ABCD2: variants seen among roughly 807,000 people sequenced by gnomAD.
ABCD2 encodes ATP-binding cassette sub-family D member 2.
Under a neutral mutation model 70.9 loss-of-function variants are expected in ABCD2, and 36 were observed. The observed-to-expected ratio is 0.51, with a 90% CI of 0.39 to 0.67. The LOEUF (loss-of-function observed/expected upper bound fraction) is 0.67. ABCD2 is among the 30% of genes least tolerant of loss of function. The pLI, the probability that ABCD2 is intolerant of heterozygous loss-of-function variation, is 0.00. For synonymous variants in ABCD2, 304 were observed against 306.9 expected, an observed-to-expected ratio of 0.99 and a Z score of 0.10; for missense variants, 729 against 890.2, an observed-to-expected ratio of 0.82 and a Z score of 2.30.
At chr12:39,561,892 T>C (rs1941265169) in intron 9 of ABCD2, among the ~76,000 whole-genome samples, 2 of 152,206 alleles carry the variant, frequency 1.3e-5, no homozygotes, top group Admixed American at 1.3e-4. Flanking sequence ...ATATACATTC[T>C]TCTCAACTAC....
intron 9 of ABCD2, among the ~76,000 whole-genome samples, chr12:39,570,378 A>G (rs777174539): frequency 3.9e-5 from 6 of 152,224 alleles, no homozygotes; most frequent in Non-Finnish European, 8.8e-5. Context: ...GTACTGACAC[A>G]AAAACAGACA....
intron 3 of ABCD2, among the ~76,000 whole-genome samples, chr12:39,605,755 G>A (rs781168056): frequency 6.6e-6 from 1 of 152,018 alleles, no homozygotes; most frequent in Non-Finnish European, 1.5e-5. Flanking sequence ...CAAGAACTAA[G>A]GATAGTTCTT....
At chr12:39,586,056 A>G in intron 7 of ABCD2, 96 bp downstream of exon 7, 1 of 1,123,870 alleles carries the variant, frequency 8.9e-7, no homozygotes, top group African/African-American at 1.6e-5. Flanking sequence ...TTCCGATTAT[A>G]GCATACATTC....
chr12:39,538,517 T>G, the ABCD2 span, among the ~76,000 whole-genome samples: 1 of 152,332 alleles, frequency 6.6e-6, no homozygotes, highest in East Asian at 1.9e-4. Flanking sequence ...TTGCTTTGTT[T>G]GTGCATTTTG....
intron 6 of ABCD2, among the ~76,000 whole-genome samples, chr12:39,598,043 T>G (rs1046677210): frequency 3.3e-5 from 5 of 152,200 alleles, no homozygotes; most frequent in African/African-American, 1.2e-4. Context: ...TCGTGAAGAT[T>G]TGGTGAAAAA....
intron 2 of ABCD2, among the ~76,000 whole-genome samples, chr12:39,613,508 T>C (rs1378291003): frequency 6.6e-6 from 1 of 151,338 alleles, no homozygotes; most frequent in Non-Finnish European, 1.5e-5. Flanking sequence ...TGATAGTCTT[T>C]AAAAATAGTA....
At chr12:39,586,012 C>A in intron 7 of ABCD2, 140 bp downstream of exon 7, 1 of 692,872 alleles carries the variant, frequency 1.4e-6, no homozygotes, top group Non-Finnish European at 2.2e-6. Flanking sequence ...AATGGAACAG[C>A]AATAAAACTC....
the ABCD2 span, among the ~76,000 whole-genome samples, chr12:39,541,428 C>T: frequency 1.8e-4 from 28 of 152,022 alleles, no homozygotes; most frequent in African/African-American, 6.5e-4. Flanking sequence ...TCTTGCGATG[C>T]GAGGAGCATC....
At chr12:39,565,678 G>A (rs1268935689) in intron 9 of ABCD2, among the ~76,000 whole-genome samples, 1 of 152,132 alleles carries the variant, frequency 6.6e-6, no homozygotes, top group Non-Finnish European at 1.5e-5. Context: ...GAATAAGAGT[G>A]GTGAGAGAGG....
intron 9 of ABCD2, among the ~76,000 whole-genome samples, chr12:39,560,693 CA>C: frequency 6.6e-6 from 1 of 151,760 alleles, no homozygotes; most frequent in African/African-American, 2.4e-5. Flanking sequence ...ATTAAAAATT[CA>C]AAATGGGGAG....
the ABCD2 span, among the ~76,000 whole-genome samples, chr12:39,536,504 C>G: frequency 6.6e-6 from 1 of 152,192 alleles, no homozygotes; most frequent in African/African-American, 2.4e-5. Context: ...CAAAATTAAG[C>G]TAACACTTTT....
intron 5 of ABCD2, among the ~76,000 whole-genome samples, chr12:39,601,153 T>C (rs1313890406): frequency 6.6e-6 from 1 of 152,040 alleles, no homozygotes; most frequent in African/African-American, 2.4e-5. Flanking sequence ...AGCACAGTTA[T>C]CCAAGGAGTC....
intron 2 of ABCD2, among the ~76,000 whole-genome samples, chr12:39,609,985 G>T (rs562471149): frequency 6.6e-6 from 1 of 152,232 alleles, no homozygotes; most frequent in South Asian, 2.1e-4. Flanking sequence ...GGGAAGCCTG[G>T]ATGAGTTAAT....
At chr12:39,542,736 A>G in the ABCD2 span, among the ~76,000 whole-genome samples, 1 of 152,266 alleles carries the variant, frequency 6.6e-6, no homozygotes, top group African/African-American at 2.4e-5. Flanking sequence ...CAAATAGGCA[A>G]TGCTATGTTT....
chr12:39,589,509 T>C lies in ABCD2; in HGVS notation c.1647-3212A>G, dbSNP rs192430901. Among the ~76,000 whole-genome samples the C allele has an allele frequency of 6.5e-4, 98 of 150,762 alleles. No individual in the cohort carries two copies. The East Asian group carries it at 0.013, about 21-fold the overall frequency. On this transcript the variant is annotated intron_variant, in intron 6 of 9. Transcript: ENST00000308666. ...GGTTCTCGCTGTTCTCTTGTCAGCCTCCCAAGTAGCTGGGACTACAGGCGT... is the reference window on the plus strand; with the variant it reads ...GGTTCTCGCTGTTCTCTTGTCAGCCCCCCAAGTAGCTGGGACTACAGGCGT...
chr12:39,592,780 T>C (rs1941764151), intron 6 of ABCD2, among the ~76,000 whole-genome samples: 1 of 152,202 alleles, frequency 6.6e-6, no homozygotes, highest in Admixed American at 6.5e-5. Context: ...GCCTCTTTCT[T>C]AAATAAACAC....
rs145164126 is a variant in ABCD2, at chr12:39,608,469, T to G, written c.1121-755A>C. ...TGGGAGGCCAAGGCAGGCAGATCAC[T>G]TGAGACCAGGAGTTTGAGACCAGCC... is the stretch of plus-strand genomic sequence containing the variant. On this transcript the variant is annotated intron_variant, in intron 2 of 9. Coordinates refer to ENST00000308666, the MANE Select transcript of ABCD2 (RefSeq NM_005164.4). 8.4e-3 allele frequency among the ~76,000 whole-genome samples: 1,285 copies of G among 152,112 alleles called. 28 individuals carry two copies. The highest frequency in any genetic ancestry group is 0.029 in the African/African-American group (1,218 of 41,508).
rs1005094736 is a variant in ABCD2, at chr12:39,551,587, G to A, written c.*2325C>T. 2 of 151,610 alleles carry A rather than the reference G, an allele frequency of 1.3e-5. No individual in the cohort carries two copies. The highest frequency in any genetic ancestry group is 4.8e-5 in the African/African-American group (2 of 41,380). The allele number at this position is 151,610 out of a possible 1,614,324, so 9.4% of individuals were successfully genotyped here. ...ATGTTGGTCCTGAAAAATAAATTCA[G>A]AAAACAAATAGGCACAAAAAGCTCA... On this transcript the variant is annotated 3_prime_UTR_variant, in exon 10 of 10. Transcript: ENST00000308666.
At chr12:39,540,825 G>T in the ABCD2 span, among the ~76,000 whole-genome samples, 2 of 152,196 alleles carry the variant, frequency 1.3e-5, no homozygotes, top group South Asian at 4.1e-4. Flanking sequence ...CACCTTTCTG[G>T]ACCAAACCAA....
Sources: gnomAD v4.1 joint callset for allele counts (sites outside exome capture counted in the v4.1 genomes callset) on GRCh38, gnomAD v4.1.1 for gene constraint, MANE v1.5 for transcripts, NCBI Gene and HGNC (gene_info 2026-07-23, HGNC 2026-07-21) for gene names.